Variants in NUP155 observed in about 807,000 individuals in gnomAD.
NUP155 encodes the protein nucleoporin 155, also known as nuclear pore complex protein Nup155.
NUP155 carries 71 observed loss-of-function variants against 180.4 expected under a neutral mutation model. The ratio of observed to expected loss-of-function variants is 0.39; its 90% CI spans 0.33 to 0.48. The LOEUF (loss-of-function observed/expected upper bound fraction) is 0.48. NUP155 is among the 20% of genes least tolerant of loss of function. The pLI is 0.91. For missense variants in NUP155, 1,553 were observed against 1,648.9 expected (o/e 0.94, Z 1.01); for synonymous variants, 582 against 559.5 (o/e 1.04, Z -0.57).
chr5:37,318,786 T>C (rs1265671291), intron 20 of NUP155, among the ~76,000 whole-genome samples: 1 of 152,146 alleles, frequency 6.6e-6, no homozygotes, highest in Non-Finnish European at 1.5e-5. Flanking sequence ...GTAAAGAAGA[T>C]ATACCTAAAG....
At chr5:37,293,340 C>G (rs1348270417) in intron 33 of NUP155, among the ~76,000 whole-genome samples, 1 of 152,158 alleles carries the variant, frequency 6.6e-6, no homozygotes, top group African/African-American at 2.4e-5. Flanking sequence ...AGTCTGACAT[C>G]ATAAAGAGAC....
At chr5:37,294,543 T>C in intron 32 of NUP155, 78 bp from the exon 33 acceptor site, 1 of 1,405,138 alleles carries the variant, frequency 7.1e-7, no homozygotes, top group Non-Finnish European at 1.0e-6. Flanking sequence ...CATAACTGAA[T>C]AGTTTCTAGG....
rs1253337484 is a variant in NUP155 at position 37,299,577 on chromosome 5, G to GA, written c.3562-10dup. On this transcript the variant is annotated splice_polypyrimidine_tract_variant and intron_variant, in intron 30 of 34. Coordinates refer to ENST00000231498, the MANE Select transcript of NUP155 (RefSeq NM_153485.3). The stretch of plus-strand genomic sequence containing the variant: ...GCAAATTCCCCATAAAGCTGTGAGA[G>GA]AAAATCCCAAAATTAACATCCAACT... The GA allele has an allele frequency of 2.5e-6, 4 of 1,613,664 alleles. No homozygotes were observed. Among genetic ancestry groups the GA allele is most frequent in the Non-Finnish European group, 3.4e-6 (4 of 1,179,832 alleles).
intron 22 of NUP155, among the ~76,000 whole-genome samples, chr5:37,313,870 T>C (rs909320589): frequency 6.6e-6 from 1 of 152,184 alleles, no homozygotes; most frequent in Non-Finnish European, 1.5e-5. Context: ...TCCATGTCGA[T>C]ATGCATTTCT....
rs1743663743 is a variant in NUP155, at chr5:37,313,502, TGTGAGAGAGACA to T, written c.2436+684_2436+695del. Among the ~76,000 whole-genome samples, 15 of 129,708 alleles carry T rather than the reference TGTGAGAGAGACA, an allele frequency of 1.2e-4. No individual in the cohort carries two copies. In the South Asian group the frequency reaches 3.6e-3, roughly 31 times the overall value. The allele number at this position is 129,708 out of a possible 152,430, so 85.1% of individuals were successfully genotyped here. A position where few individuals can be genotyped will look rare whatever the true frequency, so the allele number is the denominator to read the frequency against. ...GTGTGTGTGTGTGTGTGTGTGTGTGTGTGAGAGAGACAGAGAGAGACAGGGTCTCACTCTGTC... is the reference window on the plus strand; with the variant it reads ...GTGTGTGTGTGTGTGTGTGTGTGTGTGAGAGAGACAGGGTCTCACTCTGTC... On this transcript the variant is annotated intron_variant, in intron 22 of 34. Coordinates refer to ENST00000231498, the MANE Select transcript of NUP155 (RefSeq NM_153485.3).
At chr5:37,340,568 C>A (rs1003876249) in intron 11 of NUP155, among the ~76,000 whole-genome samples, 1 of 152,108 alleles carries the variant, frequency 6.6e-6, no homozygotes, top group Non-Finnish European at 1.5e-5. Flanking sequence ...CAGAATAGAA[C>A]TGAGAATCCA....
At chr5:37,304,934 C>G in intron 26 of NUP155, 91 bp from the exon 27 acceptor site, 1 of 1,511,050 alleles carries the variant, frequency 6.6e-7, no homozygotes, top group Non-Finnish European at 9.2e-7. Context: ...AGTAAGAAAT[C>G]AAGAATCCTT....
intron 13 of NUP155, among the ~76,000 whole-genome samples, chr5:37,332,308 T>C (rs1476423050): frequency 2.7e-5 from 4 of 146,828 alleles, no homozygotes; most frequent in South Asian, 4.3e-4. Flanking sequence ...TTTCTGCCAT[T>C]ACAGCTTTTT....
At chr5:37,332,170 A>C (rs1246931326) in intron 13 of NUP155, among the ~76,000 whole-genome samples, 1 of 69,072 alleles carries the variant, frequency 1.4e-5, no homozygotes, top group African/African-American at 1.9e-4. Flanking sequence ...AATTTAGGCA[A>C]AAAAAAAAAA....
In NUP155 at chr5:37,370,921, C is replaced by T. The variant is rs1186959418; in HGVS notation, c.57G>A (p.Leu19=). The change falls in exon 1 of 35, where the codon CTG becomes CTA. Residue 19 remains leucine (L), a synonymous_variant. Coordinates refer to ENST00000231498, the MANE Select transcript of NUP155 (RefSeq NM_153485.3). ...AMPASTSAAA[L]QEALENAGRL... ...GTCCAGCATTTTCCAGAGCTTCCTG[C>T]AGGGCTGCGGCAGATGTAGAGGCCG... is the stretch of plus-strand genomic sequence containing the variant. 1 of 1,614,214 alleles carries T rather than the reference C, an allele frequency of 6.2e-7. No individual in the cohort carries two copies. Among genetic ancestry groups the T allele is most frequent in the African/African-American group, 1.3e-5 (1 of 75,068 alleles).
At chr5:37,296,697 A>AAATG (rs1283014894) in intron 32 of NUP155, among the ~76,000 whole-genome samples, 1 of 148,938 alleles carries the variant, frequency 6.7e-6, no homozygotes, top group East Asian at 1.9e-4. Flanking sequence ...AAAAATAAAT[A>AAATG]AATAAATAAA....
chr5:37,310,028 G>T (rs1366059242), intron 23 of NUP155, among the ~76,000 whole-genome samples: 1 of 151,774 alleles, frequency 6.6e-6, no homozygotes, highest in Non-Finnish European at 1.5e-5. Context: ...AAAAAAGAGA[G>T]AATATTCTTT....
intron 27 of NUP155, 22 bp from the exon 28 acceptor site, chr5:37,303,436 A>C: frequency 1.9e-6 from 3 of 1,610,324 alleles, no homozygotes; most frequent in Non-Finnish European, 2.5e-6. Context: ...ATAGTTATTC[A>C]GAAAAATTTT....
intron 23 of NUP155, among the ~76,000 whole-genome samples, chr5:37,310,021 A>AG (rs1743424669): frequency 6.6e-6 from 1 of 152,080 alleles, no homozygotes; most frequent in South Asian, 2.1e-4. Context: ...TCTTAAAAAA[A>AG]AAGAGAGAAT....
chr5:37,318,819 C>T (rs1268034202), intron 20 of NUP155, among the ~76,000 whole-genome samples: 11 of 151,984 alleles, frequency 7.2e-5, no homozygotes, highest in Non-Finnish European at 1.6e-4. Flanking sequence ...TTTTGAATTT[C>T]GGTAACAAAA....
At chr5:37,362,333 G>A (rs1443093218) in intron 3 of NUP155, among the ~76,000 whole-genome samples, 1 of 151,244 alleles carries the variant, frequency 6.6e-6, no homozygotes, top group Non-Finnish European at 1.5e-5. Flanking sequence ...TTGTTGCCCA[G>A]GCTGGAGTGC....
chr5:37,343,265 G>A (rs1034026071), intron 9 of NUP155, among the ~76,000 whole-genome samples: 12 of 151,694 alleles, frequency 7.9e-5, no homozygotes, highest in Admixed American at 5.3e-4. Flanking sequence ...TAGTAGAGAC[G>A]GGGTTTCACT....
At chr5:37,368,296 T>C (rs1166948735) in intron 1 of NUP155, among the ~76,000 whole-genome samples, 7 of 135,382 alleles carry the variant, frequency 5.2e-5, no homozygotes, top group Middle Eastern at 4.0e-3. Context: ...CACAGCTCCC[T>C]GCAGTCTCAA....
chr5:37,334,984 C>T (rs1386046299), intron 12 of NUP155, among the ~76,000 whole-genome samples: 1 of 151,822 alleles, frequency 6.6e-6, no homozygotes, highest in Non-Finnish European at 1.5e-5. Flanking sequence ...GTGGTGAAAC[C>T]CTGTCTCTAC....
Sources: allele counts gnomAD v4.1 joint callset (sites outside exome capture counted in the v4.1 genomes callset), GRCh38; gene constraint gnomAD v4.1.1; transcripts MANE v1.5; gene names NCBI Gene and HGNC (gene_info 2026-07-23, HGNC 2026-07-21).